PTPRZ1: variants seen among roughly 807,000 people sequenced by gnomAD.
PTPRZ1 encodes receptor-type tyrosine-protein phosphatase zeta.
In PTPRZ1, 82 loss-of-function variants were observed where a neutral mutation model predicts 214.1. The observed-to-expected ratio is 0.38, with a 90% CI of 0.32 to 0.46. The LOEUF is 0.46. PTPRZ1 is among the 20% of genes least tolerant of loss of function. The probability of loss-of-function intolerance (pLI) is 1.00; values close to 1 mark genes in which losing one functional copy is unlikely to be tolerated. For synonymous variants in PTPRZ1, 945 were observed against 987.9 expected, an observed-to-expected ratio of 0.96 and a Z score of 0.81; for missense variants, 2,603 against 2,748.7, an observed-to-expected ratio of 0.95 and a Z score of 1.19.
At position 122,012,155 on chromosome 7, in the gene PTPRZ1, G is replaced by A. The variant is rs868700725; in HGVS notation, c.3109G>A (p.Asp1037Asn). The change falls in exon 12 of 30, where the codon GAT becomes AAT. Residue 1037 changes from aspartate to asparagine, a missense_variant. Transcript: ENST00000393386. ...FTYTTSVFGD[D>N]NKALSKSEII... ...ATATACAACATCTGTGTTTGGTGAT[G>A]ATAATAAGGCGCTTTCTAAAAGTGA... 1 of 1,613,932 alleles carries A rather than the reference G, an allele frequency of 6.2e-7. No individual in the cohort carries two copies. Among genetic ancestry groups the A allele is most frequent in the Non-Finnish European group, 8.5e-7 (1 of 1,179,866 alleles).
At chr7:122,022,001 T>C (rs1799031074) in intron 13 of PTPRZ1, among the ~76,000 whole-genome samples, 1 of 152,238 alleles carries the variant, frequency 6.6e-6, no homozygotes, top group African/African-American at 2.4e-5. Context: ...CCAGTGAAGC[T>C]ACATTTGTAA....
chr7:121,948,824 T>C (rs1375516239), intron 2 of PTPRZ1, among the ~76,000 whole-genome samples: 1 of 151,936 alleles, frequency 6.6e-6, no homozygotes, highest in Non-Finnish European at 1.5e-5. Context: ...CTCAAGGTTA[T>C]TTGTTGATAA....
At chr7:122,022,816 C>G (rs1308954039) in intron 13 of PTPRZ1, among the ~76,000 whole-genome samples, 2 of 152,066 alleles carry the variant, frequency 1.3e-5, no homozygotes, top group Non-Finnish European at 2.9e-5. Context: ...TTCCCAGTTG[C>G]AAAACTTTAA....
chr7:121,961,724 A>G (rs1796884950), intron 2 of PTPRZ1, among the ~76,000 whole-genome samples: 2 of 152,212 alleles, frequency 1.3e-5, no homozygotes, highest in South Asian at 2.1e-4. Context: ...AATTTCTAAC[A>G]TATGCCAGAC....
chr7:122,051,410 T>C lies in PTPRZ1; in HGVS notation c.6085-18T>C. 6.3e-7 allele frequency: 1 copy of C among 1,596,698 alleles called. No individual in the cohort carries two copies. The highest frequency in any genetic ancestry group is 8.6e-7 in the Non-Finnish European group (1 of 1,165,600). ...CTTAAATGAAATAACCTATATATTT[T>C]TTTACTTTCTTGCCCAGCTCCTGAG... On this transcript the variant is annotated intron_variant, in intron 23 of 29. Transcript: ENST00000393386.
At chr7:121,896,059 C>T (rs769218472) in intron 1 of PTPRZ1, among the ~76,000 whole-genome samples, 5 of 152,074 alleles carry the variant, frequency 3.3e-5, no homozygotes, top group East Asian at 1.9e-4. Context: ...ATCTGATCAA[C>T]GTAATTTATG....
chr7:121,989,638 T>C (rs942218716), intron 8 of PTPRZ1, among the ~76,000 whole-genome samples: 2 of 152,170 alleles, frequency 1.3e-5, no homozygotes, highest in Non-Finnish European at 2.9e-5. Context: ...CCTCCCAAAG[T>C]GCTGGGACTA....
chr7:122,031,200 T>C (rs1249560032), intron 14 of PTPRZ1, among the ~76,000 whole-genome samples: 1 of 152,072 alleles, frequency 6.6e-6, no homozygotes, highest in Non-Finnish European at 1.5e-5. Flanking sequence ...AGTGGGGCTA[T>C]GGTGGTATTT....
intron 1 of PTPRZ1, among the ~76,000 whole-genome samples, chr7:121,891,131 A>G (rs1005872212): frequency 2.0e-5 from 3 of 151,980 alleles, no homozygotes; most frequent in Non-Finnish European, 2.9e-5. Flanking sequence ...CCTTTCTTTT[A>G]TAATTATTTA....
chr7:121,961,235 A>T (rs1796866173), intron 2 of PTPRZ1, among the ~76,000 whole-genome samples: 1 of 151,956 alleles, frequency 6.6e-6, no homozygotes, highest in Non-Finnish European at 1.5e-5. Context: ...CCTGCCTCTC[A>T]CTGGTCTCCC....
intron 2 of PTPRZ1, among the ~76,000 whole-genome samples, chr7:121,933,479 A>T (rs1050195065): frequency 6.6e-6 from 1 of 152,156 alleles, no homozygotes; most frequent in Admixed American, 6.5e-5. Flanking sequence ...TAACACCTTT[A>T]AAATTTTAGT....
chr7:121,994,289 C>T (rs372198643), intron 8 of PTPRZ1, among the ~76,000 whole-genome samples: 534 of 75,212 alleles, frequency 7.1e-3, no homozygotes, highest in Middle Eastern at 0.025. Flanking sequence ...TAATGCATTT[C>T]TTTTTTTTTT....
chr7:122,020,140 T>C (rs1798972515), intron 13 of PTPRZ1, among the ~76,000 whole-genome samples: 1 of 152,192 alleles, frequency 6.6e-6, no homozygotes, highest in Admixed American at 6.6e-5. Flanking sequence ...CAGCACTCTT[T>C]ATGTGTTCTC....
intron 1 of PTPRZ1, among the ~76,000 whole-genome samples, chr7:121,925,100 G>A (rs528241340): frequency 3.3e-5 from 5 of 152,094 alleles, no homozygotes; most frequent in South Asian, 2.1e-4. Context: ...CAGGGACCCC[G>A]CATTATGGTT....
intron 11 of PTPRZ1, among the ~76,000 whole-genome samples, chr7:122,009,200 G>A (rs1263135851): frequency 6.6e-6 from 1 of 152,058 alleles, no homozygotes; most frequent in Non-Finnish European, 1.5e-5. Context: ...TGTAAATAAT[G>A]AGGCAGCCAT....
intron 2 of PTPRZ1, among the ~76,000 whole-genome samples, chr7:121,965,442 C>A (rs1249805509): frequency 6.6e-6 from 1 of 152,108 alleles, no homozygotes; most frequent in African/African-American, 2.4e-5. Context: ...ATGCTCTCAG[C>A]TCCCAGAGGC....
At chr7:121,958,905 C>G (rs1188524997) in intron 2 of PTPRZ1, among the ~76,000 whole-genome samples, 3 of 152,112 alleles carry the variant, frequency 2.0e-5, no homozygotes, top group East Asian at 1.9e-4. Flanking sequence ...CTCACTGCAA[C>G]CTCCGCCTCC....
intron 1 of PTPRZ1, among the ~76,000 whole-genome samples, chr7:121,904,467 C>T (rs1220154975): frequency 6.6e-6 from 1 of 152,164 alleles, no homozygotes; most frequent in Non-Finnish European, 1.5e-5. Context: ...CCTTGTGGAC[C>T]AGAATCTTCC....
intron 6 of PTPRZ1, among the ~76,000 whole-genome samples, chr7:121,978,306 CT>C (rs1246957169): frequency 5.3e-5 from 8 of 152,108 alleles, no homozygotes; most frequent in Admixed American, 3.3e-4. Context: ...CCTTTACCCC[CT>C]CTCTCTCTGT....
Sources: allele counts gnomAD v4.1 joint callset (sites outside exome capture counted in the v4.1 genomes callset), GRCh38; gene constraint gnomAD v4.1.1; transcripts MANE v1.5; gene names NCBI Gene and HGNC (gene_info 2026-07-23, HGNC 2026-07-21).